KCNJ6: variants seen among roughly 807,000 people sequenced by gnomAD.
The protein encoded by KCNJ6 is G protein-activated inward rectifier potassium channel 2.
Under a neutral mutation model 34.2 loss-of-function variants are expected in KCNJ6, and 9 were observed. That is an observed-to-expected ratio of 0.26 (90% CI 0.16 to 0.46). The LOEUF is 0.46. KCNJ6 is among the 20% of genes least tolerant of loss of function. The pLI is 1.00. For synonymous variants in KCNJ6, 196 were observed against 207.1 expected (o/e 0.95, Z 0.46); for missense variants, 236 against 531.3 (o/e 0.44, Z 5.46).
intron 3 of KCNJ6, among the ~76,000 whole-genome samples, chr21:37,659,393 G>T (rs1198947779): frequency 6.6e-6 from 1 of 152,250 alleles, no homozygotes; most frequent in Non-Finnish European, 1.5e-5. Flanking sequence ...ATGTGGTGGA[G>T]TAGGGGCCTG....
chr21:37,730,762 C>T (rs1190332315), intron 2 of KCNJ6, among the ~76,000 whole-genome samples: 1 of 152,174 alleles, frequency 6.6e-6, no homozygotes, highest in Non-Finnish European at 1.5e-5. Flanking sequence ...CAAGAATGTT[C>T]TAGTGCATCA....
intron 2 of KCNJ6, among the ~76,000 whole-genome samples, chr21:37,837,685 T>G (rs2055458589): frequency 6.6e-6 from 1 of 151,404 alleles, no homozygotes; most frequent in South Asian, 2.1e-4. Flanking sequence ...TTCATAGCAT[T>G]GTGTTTTGGG....
intron 1 of KCNJ6, among the ~76,000 whole-genome samples, chr21:37,843,065 AC>A (rs2055489004): frequency 1.3e-5 from 2 of 151,756 alleles, no homozygotes; most frequent in Admixed American, 1.3e-4. Flanking sequence ...AGCAGTGAGA[AC>A]CCCCCAACGC....
At chr21:37,806,127 A>G (rs747419662) in intron 2 of KCNJ6, among the ~76,000 whole-genome samples, 6 of 152,226 alleles carry the variant, frequency 3.9e-5, no homozygotes, top group Non-Finnish European at 7.3e-5. Context: ...GATGGCTGAC[A>G]TGGAAAGAAG....
chr21:37,902,686 G>C (rs2055822702), intron 1 of KCNJ6, among the ~76,000 whole-genome samples: 1 of 152,192 alleles, frequency 6.6e-6, no homozygotes, highest in African/African-American at 2.4e-5. Flanking sequence ...GAGAAGAAGT[G>C]TGCAGGAAGG....
chr21:37,854,984 A>G (rs1454583785), intron 1 of KCNJ6, among the ~76,000 whole-genome samples: 1 of 152,222 alleles, frequency 6.6e-6, no homozygotes, highest in African/African-American at 2.4e-5. Flanking sequence ...GATACAGAGA[A>G]AATCAACATC....
intron 3 of KCNJ6, among the ~76,000 whole-genome samples, chr21:37,646,825 C>T (rs2054407151): frequency 6.6e-6 from 1 of 152,082 alleles, no homozygotes; most frequent in Non-Finnish European, 1.5e-5. Flanking sequence ...CGCCTGCCAC[C>T]ACGCCCGGCT....
At chr21:37,677,147 C>T (rs2054568504) in intron 3 of KCNJ6, among the ~76,000 whole-genome samples, 1 of 152,232 alleles carries the variant, frequency 6.6e-6, no homozygotes, top group African/African-American at 2.4e-5. Context: ...CCTTGGACTG[C>T]AGGACTGGTC....
rs771002399 is a variant in KCNJ6, at chr21:37,910,597, G to A, written c.-28+5287C>T. Among the ~76,000 whole-genome samples, 5 of 152,074 alleles carry A rather than the reference G, an allele frequency of 3.3e-5. 1 individual carries two copies. The highest frequency in any genetic ancestry group is 6.6e-5 in the Admixed American group (1 of 15,256). On this transcript the variant is annotated intron_variant, in intron 1 of 3. Transcript: ENST00000609713. ...GTTCCTTTTGTAAGGATTTCATGTC[G>A]GAAACCACATCTCTGTGACTGGGAA...
In KCNJ6 at chr21:37,621,376, C is replaced by A. The variant is rs545283440; in HGVS notation, c.*3783G>T. On this transcript the variant is annotated 3_prime_UTR_variant, in exon 4 of 4. Transcript: ENST00000609713. Reference sequence around the variant, plus strand: ...TCTTATGCCCCCTTTCTCTGTCCACCAGTTCCCACCTTTGTAAGCAGTTTC... The same window carrying A: ...TCTTATGCCCCCTTTCTCTGTCCACAAGTTCCCACCTTTGTAAGCAGTTTC... 3 of 152,308 alleles carry A rather than the reference C, an allele frequency of 2.0e-5. No individual in the cohort carries two copies. In the East Asian group the frequency reaches 5.8e-4, roughly 29 times the overall value. The allele number at this position is 152,308 out of a possible 1,614,324, so 9.4% of individuals were successfully genotyped here.
chr21:37,809,459 G>A (rs1185578010), intron 2 of KCNJ6, among the ~76,000 whole-genome samples: 1 of 151,592 alleles, frequency 6.6e-6, no homozygotes, highest in Non-Finnish European at 1.5e-5. Flanking sequence ...ACACCAACAT[G>A]GCACATGTAT....
intron 2 of KCNJ6, 55 bp from the exon 3 acceptor site, chr21:37,715,186 G>A: frequency 1.4e-6 from 2 of 1,467,388 alleles, no homozygotes; most frequent in Non-Finnish European, 1.9e-6. Flanking sequence ...GCTCTTTGAG[G>A]ACAATGGAAC....
chr21:37,771,648 C>T (rs2055118142), intron 2 of KCNJ6, among the ~76,000 whole-genome samples: 1 of 152,158 alleles, frequency 6.6e-6, no homozygotes, highest in Non-Finnish European at 1.5e-5. Flanking sequence ...GCTACAAGCA[C>T]TGCTAGATCC....
intron 1 of KCNJ6, among the ~76,000 whole-genome samples, chr21:37,866,343 G>A (rs2055622598): frequency 6.6e-6 from 1 of 152,146 alleles, no homozygotes; most frequent in Non-Finnish European, 1.5e-5. Flanking sequence ...ATTGAACCCT[G>A]ACTGGTATAC....
At chr21:37,637,943 T>C (rs1316126527) in intron 3 of KCNJ6, among the ~76,000 whole-genome samples, 1 of 152,200 alleles carries the variant, frequency 6.6e-6, no homozygotes, top group African/African-American at 2.4e-5. Flanking sequence ...ACTTTCAGCC[T>C]CTAGAACTGT....
chr21:37,902,616 T>C (rs2123646538), intron 1 of KCNJ6, among the ~76,000 whole-genome samples: 1 of 152,260 alleles, frequency 6.6e-6, no homozygotes, highest in South Asian at 2.1e-4. Context: ...CATGAAAACA[T>C]AGGGGATACA....
chr21:37,885,888 T>G (rs1374147916), intron 1 of KCNJ6, among the ~76,000 whole-genome samples: 1 of 152,238 alleles, frequency 6.6e-6, no homozygotes, highest in African/African-American at 2.4e-5. Flanking sequence ...CAGCAGTAGA[T>G]GACTACTGCA....
chr21:37,715,171 G>T, intron 2 of KCNJ6, 40 bp from the exon 3 acceptor site: 1 of 1,543,504 alleles, frequency 6.5e-7, no homozygotes, highest in Non-Finnish European at 8.8e-7. Context: ...CTGAATGAAA[G>T]GCTGGCTCTT....
At chr21:37,634,271 G>A (rs2054346799) in intron 3 of KCNJ6, among the ~76,000 whole-genome samples, 1 of 150,560 alleles carries the variant, frequency 6.6e-6, no homozygotes, top group Non-Finnish European at 1.5e-5. Flanking sequence ...AGAACTGACT[G>A]TTTAAAAAGA....
Sources: allele counts gnomAD v4.1 joint callset (sites outside exome capture counted in the v4.1 genomes callset), GRCh38; gene constraint gnomAD v4.1.1; transcripts MANE v1.5; gene names NCBI Gene and HGNC (gene_info 2026-07-23, HGNC 2026-07-21).